MYRIP: variants seen among roughly 807,000 people sequenced by gnomAD.
MYRIP encodes rab effector MyRIP.
MYRIP carries 49 observed loss-of-function variants against 98.0 expected under a neutral mutation model. That is an observed-to-expected ratio of 0.50 (90% CI 0.40 to 0.63). MYRIP has a LOEUF of 0.63. MYRIP is among the 30% of genes least tolerant of loss of function. The probability of loss-of-function intolerance (pLI) is 0.00; values close to 1 mark genes in which losing one functional copy is unlikely to be tolerated. For synonymous variants in MYRIP, 404 were observed against 409.5 expected (o/e 0.99, Z 0.16); for missense variants, 1,004 against 1,058.2 (o/e 0.95, Z 0.71).
chr3:40,058,101 T>G (rs1407474565), intron 3 of MYRIP, among the ~76,000 whole-genome samples: 2 of 152,200 alleles, frequency 1.3e-5, no homozygotes, highest in Non-Finnish European at 2.9e-5. Flanking sequence ...GAAACCATTT[T>G]CTCAATGTGT....
intron 2 of MYRIP, among the ~76,000 whole-genome samples, chr3:40,006,912 G>A (rs886969746): frequency 6.6e-6 from 1 of 152,110 alleles, no homozygotes; most frequent in Non-Finnish European, 1.5e-5. Flanking sequence ...CCTGGCTGGG[G>A]TGCAGTGGCA....
intron 3 of MYRIP, among the ~76,000 whole-genome samples, chr3:40,107,875 C>G (rs1053524600): frequency 4.6e-5 from 7 of 152,186 alleles, no homozygotes; most frequent in Non-Finnish European, 1.0e-4. Context: ...ACACAAATCA[C>G]AGACTCAGAA....
intron 2 of MYRIP, among the ~76,000 whole-genome samples, chr3:39,992,782 A>G (rs1305042460): frequency 1.3e-5 from 2 of 152,068 alleles, no homozygotes; most frequent in African/African-American, 2.4e-5. Flanking sequence ...AGTCTTTGTC[A>G]TCCTTAATAA....
chr3:39,849,372 A>C (rs550783961), intron 1 of MYRIP, among the ~76,000 whole-genome samples: 67 of 152,326 alleles, frequency 4.4e-4, no homozygotes, highest in African/African-American at 1.5e-3. Context: ...TCTAATACTG[A>C]AGCCATCAAA....
chr3:40,215,367 T>G (rs530925962), intron 11 of MYRIP, among the ~76,000 whole-genome samples: 36 of 152,286 alleles, frequency 2.4e-4, no homozygotes, highest in Non-Finnish European at 5.0e-4. Context: ...GAATTTTATT[T>G]ATCATTTCAT....
chr3:40,118,755 C>G (rs1285883966), intron 3 of MYRIP, among the ~76,000 whole-genome samples: 1 of 151,958 alleles, frequency 6.6e-6, no homozygotes, highest in East Asian at 1.9e-4. Flanking sequence ...CTCCCCCCTC[C>G]TCCCGCCCCA....
rs146275636 is a variant in MYRIP at position 40,072,296 on chromosome 3, C to T, written c.332+28025C>T. Among the ~76,000 whole-genome samples, 907 of 152,264 alleles carry T rather than the reference C, an allele frequency of 6.0e-3. 5 individuals are homozygous for T. Among genetic ancestry groups the T allele is most frequent in the African/African-American group, 0.021 (871 of 41,538 alleles). On this transcript the variant is annotated intron_variant, in intron 3 of 16. Transcript: ENST00000302541. The stretch of plus-strand genomic sequence containing the variant: ...TGATCTTGGCTTACTGCAACCTCTA[C>T]CTCCCGAGTTCAAGCAATTCTCATG...
chr3:39,851,194 A>G (rs1486758621), intron 1 of MYRIP, among the ~76,000 whole-genome samples: 2 of 152,130 alleles, frequency 1.3e-5, no homozygotes, highest in Non-Finnish European at 2.9e-5. Context: ...TTAGTTGCCA[A>G]TAATCTATGA....
intron 2 of MYRIP, among the ~76,000 whole-genome samples, chr3:39,962,956 A>T (rs879501276): frequency 6.6e-6 from 1 of 152,148 alleles, no homozygotes; most frequent in Non-Finnish European, 1.5e-5. Context: ...GTTCTCATAC[A>T]TCGGTATTAT....
At chr3:40,074,653 T>A (rs1575516213) in intron 3 of MYRIP, among the ~76,000 whole-genome samples, 1 of 152,190 alleles carries the variant, frequency 6.6e-6, no homozygotes, top group East Asian at 1.9e-4. Context: ...TTAATTAATT[T>A]AAGCAGAAAA....
chr3:40,051,848 C>G (rs1184740094), intron 3 of MYRIP, among the ~76,000 whole-genome samples: 1 of 151,926 alleles, frequency 6.6e-6, no homozygotes, highest in East Asian at 1.9e-4. Context: ...TAAATTGCAT[C>G]TTGTCCTTTT....
intron 2 of MYRIP, among the ~76,000 whole-genome samples, chr3:40,017,693 CT>C (rs904657247): frequency 0.05 from 5,791 of 114,770 alleles, 66 homozygotes; most frequent in East Asian, 0.15. Context: ...TAATTTACTT[CT>C]TTTTTTTTTT....
chr3:39,985,190 G>A (rs2125764233), intron 2 of MYRIP, among the ~76,000 whole-genome samples: 1 of 151,002 alleles, frequency 6.6e-6, no homozygotes, highest in Admixed American at 6.6e-5. Context: ...CAAATCATGA[G>A]TGAACTCCCA....
chr3:40,108,416 G>A lies in MYRIP; in HGVS notation c.333-42632G>A, dbSNP rs13315721. On this transcript the variant is annotated intron_variant, in intron 3 of 16. Transcript: ENST00000302541. The stretch of plus-strand genomic sequence containing the variant: ...AGCTGACACCACAGGCATGACCCTG[G>A]GGTGACTCCACTTCTTGTATTGTGC... Among the ~76,000 whole-genome samples, 1,094 of 150,326 alleles carry A rather than the reference G, an allele frequency of 7.3e-3. 18 individuals carry two copies. Among genetic ancestry groups the A allele is most frequent in the African/African-American group, 0.025 (1,036 of 41,108 alleles).
intron 2 of MYRIP, among the ~76,000 whole-genome samples, chr3:40,037,219 C>T (rs549478731): frequency 6.6e-6 from 1 of 152,084 alleles, no homozygotes; most frequent in Admixed American, 6.6e-5. Flanking sequence ...ACATTTGTCT[C>T]AGGTGAGCCA....
chr3:40,233,940 T>C lies in MYRIP; in HGVS notation c.1987T>C (p.Ser663Pro), dbSNP rs770354990. 9 of 1,613,930 alleles carry C rather than the reference T, an allele frequency of 5.6e-6. No homozygotes were observed. The East Asian group carries it at 1.8e-4, about 32-fold the overall frequency. ...INATEELIAG[S>P]TGPWESPQVP... ...TGCCACAGAGGAGTTGATAGCAGGA[T>C]CTACAGGGCCCTGGGAGTCCCCACA... The change falls in exon 12 of 17, where the codon TCT becomes CCT. Residue 663 changes from serine to proline, a missense_variant. Physicochemically the swap from Ser to Pro is moderately conservative, Grantham distance 74. Coordinates refer to ENST00000302541, the MANE Select transcript of MYRIP (RefSeq NM_015460.4).
intron 1 of MYRIP, among the ~76,000 whole-genome samples, chr3:39,872,649 C>A (rs537650034): frequency 3.7e-4 from 56 of 151,922 alleles, no homozygotes; most frequent in African/African-American, 1.3e-3. Flanking sequence ...CATCCATGTC[C>A]CTACAAAGGA....
intron 2 of MYRIP, among the ~76,000 whole-genome samples, chr3:39,959,125 C>T (rs1945252988): frequency 1.3e-5 from 2 of 152,176 alleles, no homozygotes; most frequent in African/African-American, 4.8e-5. Flanking sequence ...GTGGCGATTC[C>T]TCAAGGACCT....
chr3:40,046,038 G>C (rs1044608543), intron 3 of MYRIP, among the ~76,000 whole-genome samples: 4 of 152,132 alleles, frequency 2.6e-5, no homozygotes, highest in African/African-American at 4.8e-5. Context: ...CAGTTGAGTG[G>C]TGACCATGGG....
Sources: gnomAD v4.1 joint callset for allele counts (sites outside exome capture counted in the v4.1 genomes callset) on GRCh38, gnomAD v4.1.1 for gene constraint, MANE v1.5 for transcripts, NCBI Gene and HGNC (gene_info 2026-07-23, HGNC 2026-07-21) for gene names.